Variants in PLAC1 observed in about 807,000 individuals in gnomAD.
The protein encoded by PLAC1 is placenta associated 1.
For synonymous variants in PLAC1, 68 were observed against 62.1 expected, an observed-to-expected ratio of 1.09 and a Z score of -0.44; for missense variants, 136 against 163.2, an observed-to-expected ratio of 0.83 and a Z score of 0.91.
chrX:134,663,260 G>A (rs145074955), upstream of PLAC1, among the ~76,000 whole-genome samples: 111 of 112,943 alleles, frequency 9.8e-4, no homozygotes, highest in East Asian at 0.025. Context: ...ACTTATGTCA[G>A]AACCATGCTT....
intron 1 of PLAC1, among the ~76,000 whole-genome samples, chrX:134,735,436 A>G (rs997298915): frequency 7.2e-5 from 8 of 111,558 alleles, no homozygotes; most frequent in Non-Finnish European, 1.3e-4. Flanking sequence ...TGTTAAAAAA[A>G]AAAAGAAAGA....
At chrX:134,702,528 T>C (rs981530943) in intron 2 of PLAC1, among the ~76,000 whole-genome samples, 5 of 111,915 alleles carry the variant, frequency 4.5e-5, no homozygotes, top group African/African-American at 1.3e-4. Context: ...TTCTCACTTA[T>C]AAGTAGGAGC....
In PLAC1 at chrX:134,705,021, T is replaced by TATATACACAC. The variant is rs1284412646; in HGVS notation, n.174+28413_174+28414insGTGTGTATAT. ...AAAATTATATATATATATATATATA[T>TATATACACAC]ACACACACACACACTAATATATAAA... On this transcript the variant is annotated intron_variant and non_coding_transcript_variant, in intron 2 of 2. Coordinates refer to the PLAC1 transcript ENST00000466797. Among the ~76,000 whole-genome samples the TATATACACAC allele has an allele frequency of 8.4e-3, 829 of 98,262 alleles. 20 individuals carry two copies. Among genetic ancestry groups the TATATACACAC allele is most frequent in the African/African-American group, 0.03 (753 of 25,436 alleles). The allele number at this position is 98,262 out of a possible 115,157, so 85.3% of individuals were successfully genotyped here.
chrX:134,733,868 G>A (rs977508518), intron 1 of PLAC1, among the ~76,000 whole-genome samples: 2 of 110,068 alleles, frequency 1.8e-5, no homozygotes, highest in Non-Finnish European at 3.8e-5. Flanking sequence ...GCATGAGAGC[G>A]TTCACTGCCC....
chrX:134,673,809 A>G (rs1176173959), intron 2 of PLAC1, among the ~76,000 whole-genome samples: 1 of 112,286 alleles, frequency 8.9e-6, no homozygotes, highest in Non-Finnish European at 1.9e-5. Context: ...GAGCCCAAAA[A>G]GCTTCCAACA....
intron 2 of PLAC1, among the ~76,000 whole-genome samples, chrX:134,571,939 T>C (rs930603331): frequency 5.4e-5 from 6 of 111,929 alleles, no homozygotes; most frequent in African/African-American, 1.9e-4. Flanking sequence ...ATTTTTAAAA[T>C]TCAGTATACT....
chrX:134,703,283 A>G (rs1471643829), intron 2 of PLAC1, among the ~76,000 whole-genome samples: 1 of 112,175 alleles, frequency 8.9e-6, no homozygotes, highest in Non-Finnish European at 1.9e-5. Flanking sequence ...TTAACCAGAG[A>G]GAAAAGACAG....
chrX:134,654,774 C>T (rs928459312), intron 1 of PLAC1, among the ~76,000 whole-genome samples: 2 of 112,326 alleles, frequency 1.8e-5, no homozygotes, highest in African/African-American at 6.5e-5. Context: ...AGTGGAAGCT[C>T]GCTTAGCTGA....
At chrX:134,703,893 G>A (rs183927010) in intron 2 of PLAC1, among the ~76,000 whole-genome samples, 3,014 of 107,813 alleles carry the variant, frequency 0.028, 112 homozygotes, top group African/African-American at 0.092. Context: ...AGGATAAATC[G>A]AAATATATCT....
chrX:134,587,019 C>T (rs962743141), intron 2 of PLAC1, among the ~76,000 whole-genome samples: 1 of 110,693 alleles, frequency 9.0e-6, no homozygotes, highest in Admixed American at 9.8e-5. Context: ...TTATGGAGTA[C>T]TAACAACATG....
At chrX:134,722,700 A>G (rs1359033714) in intron 2 of PLAC1, among the ~76,000 whole-genome samples, 2 of 112,100 alleles carry the variant, frequency 1.8e-5, no homozygotes, top group African/African-American at 6.5e-5. Context: ...TCAATAAAAA[A>G]CGAAAAAGTT....
At chrX:134,660,161 A>G (rs1196912156), upstream of PLAC1, among the ~76,000 whole-genome samples, 1 of 109,067 alleles carries the variant, frequency 9.2e-6, no homozygotes, top group Admixed American at 9.8e-5. Context: ...CTGGAGTGCA[A>G]TGGTGCGATC....
chrX:134,733,670 G>C (rs2147844221), intron 1 of PLAC1: 1 of 111,247 alleles, frequency 9.0e-6, no homozygotes, highest in South Asian at 3.8e-4. Flanking sequence ...CAAAGGCTTT[G>C]GATCCTCAAA....
In PLAC1 at chrX:134,583,668, A is replaced by G. The variant is rs1463002313; in HGVS notation, c.-58-16928T>C. 4.0e-4 allele frequency among the ~76,000 whole-genome samples: 44 copies of G among 110,686 alleles called. 1 individual carries two copies. Among genetic ancestry groups the G allele is most frequent in the Non-Finnish European group, 1.3e-4 (7 of 52,912 alleles). On this transcript the variant is annotated intron_variant, in intron 2 of 2. Transcript: ENST00000359237. Reference sequence around the variant, plus strand: ...CTGGCACAGAGCAAGTGTCCAATCAATGGGAGCTATAGAATAGGCTCAGGC... The same window carrying G: ...CTGGCACAGAGCAAGTGTCCAATCAGTGGGAGCTATAGAATAGGCTCAGGC...
chrX:134,682,443 G>A (rs2078501143), intron 2 of PLAC1, among the ~76,000 whole-genome samples: 1 of 111,919 alleles, frequency 8.9e-6, no homozygotes, highest in Admixed American at 9.4e-5. Flanking sequence ...GTGTTCTGAG[G>A]GGCTCAAGGG....
chrX:134,743,687 T>C (rs1241164524), intron 1 of PLAC1, among the ~76,000 whole-genome samples: 3 of 111,382 alleles, frequency 2.7e-5, no homozygotes, highest in Non-Finnish European at 5.6e-5. Context: ...TCCTGGGATG[T>C]AGGGACAAGG....
chrX:134,727,706 T>A (rs930511519), intron 2 of PLAC1, among the ~76,000 whole-genome samples: 1 of 112,088 alleles, frequency 8.9e-6, no homozygotes, highest in African/African-American at 3.2e-5. Context: ...TGCCACCTTA[T>A]AATATTCAAA....
Position 134,566,749 on chromosome X carries a change from CA to C in PLAC1, c.-58-10del. On this transcript the variant is annotated splice_polypyrimidine_tract_variant and intron_variant, in intron 2 of 2. Transcript: ENST00000359237. ...CCGTCCAGTGAGGATTTCTAGAGCA[CA>C]AAAAAACACAAGAGGCAAGTCATCT... 2.3e-6 allele frequency: 2 copies of C among 855,745 alleles called. No homozygotes were observed. Among genetic ancestry groups the C allele is most frequent in the East Asian group, 3.1e-5 (1 of 31,825 alleles). The allele number at this position is 855,745 out of a possible 1,213,427, so 70.5% of individuals were successfully genotyped here.
At chrX:134,710,542 T>A (rs1043242919) in intron 2 of PLAC1, among the ~76,000 whole-genome samples, 11 of 111,813 alleles carry the variant, frequency 9.8e-5, no homozygotes, top group African/African-American at 3.6e-4. Flanking sequence ...AAGTTGTTTG[T>A]TTCTAATACT....
Sources: gnomAD v4.1 joint callset for allele counts (sites outside exome capture counted in the v4.1 genomes callset) on GRCh38, gnomAD v4.1.1 for gene constraint, MANE v1.5 for transcripts, NCBI Gene and HGNC (gene_info 2026-07-23, HGNC 2026-07-21) for gene names.